KAZN: variants seen among roughly 807,000 people sequenced by gnomAD.
KAZN encodes the protein kazrin, periplakin interacting protein.
Under a neutral mutation model 87.4 loss-of-function variants are expected in KAZN, and 40 were observed. That is an observed-to-expected ratio of 0.46 (90% CI 0.36 to 0.60). The LOEUF is 0.60. Ranked by LOEUF, KAZN falls within the 20% of genes least tolerant of loss-of-function variation. KAZN has a pLI of 0.00. For missense variants in KAZN, 898 were observed against 1,073.9 expected (o/e 0.84, Z 2.29); for synonymous variants, 466 against 458.3 (o/e 1.02, Z -0.22).
intron 2 of KAZN, among the ~76,000 whole-genome samples, chr1:14,986,081 A>T (rs900715309): frequency 3.3e-5 from 5 of 151,932 alleles, no homozygotes; most frequent in Admixed American, 1.3e-4. Context: ...ATTAAAGGAC[A>T]ATCAGGAGCC....
intron 2 of KAZN, among the ~76,000 whole-genome samples, chr1:14,283,443 A>T (rs1474808706): frequency 6.6e-6 from 1 of 152,220 alleles, no homozygotes; most frequent in African/African-American, 2.4e-5. Context: ...ATCCAAACAG[A>T]CGTCTCTTAC....
chr1:14,251,702 G>A lies in KAZN; in HGVS notation c.249+71110G>A, dbSNP rs1041669561. ...GTCTCACTCTGTCACCAGGCTAAGT[G>A]CAGTGGCATGATCATGGCTCACTGC... is the stretch of plus-strand genomic sequence containing the variant. On this transcript the variant is annotated intron_variant, in intron 2 of 16. Transcript: ENST00000636203. Among the ~76,000 whole-genome samples, 6 of 136,718 alleles carry A rather than the reference G, an allele frequency of 4.4e-5. No homozygotes were observed. In the Admixed American group the frequency reaches 4.8e-4, roughly 11 times the overall value. 89.7% of individuals were successfully genotyped at this position (136,718 alleles called of 152,430 possible). A position where few individuals can be genotyped will look rare whatever the true frequency, so the allele number is the denominator to read the frequency against.
chr1:13,974,714 G>A (rs1351902733), intron 1 of KAZN, among the ~76,000 whole-genome samples: 1 of 152,164 alleles, frequency 6.6e-6, no homozygotes, highest in African/African-American at 2.4e-5. Context: ...AGGAAGCAAA[G>A]GAAGCAAGGT....
chr1:14,386,355 G>C (rs35383236), intron 2 of KAZN, among the ~76,000 whole-genome samples: 1 of 145,820 alleles, frequency 6.9e-6, no homozygotes, highest in African/African-American at 2.5e-5. Context: ...ATCCTGTCAT[G>C]ATGATGTTAG....
In KAZN at chr1:14,184,646, C is replaced by A. The variant is rs1343248093; in HGVS notation, c.249+4054C>A. Among the ~76,000 whole-genome samples, 1 of 152,136 alleles carries A rather than the reference C, an allele frequency of 6.6e-6. No individual in the cohort carries two copies. Among genetic ancestry groups the A allele is most frequent in the Non-Finnish European group, 1.5e-5 (1 of 68,022 alleles). On this transcript the variant is annotated intron_variant, in intron 2 of 16. Transcript: ENST00000636203. This position sits in a 1 kb window ranked among gnomAD's most constrained non-coding sequence, Gnocchi z 4.2. Reference sequence around the variant, plus strand: ...TAAAAGAGCTGTCTAGCAAACTCTTCTAGATGATTGTGCTTTCCAATTGGT... The same window carrying A: ...TAAAAGAGCTGTCTAGCAAACTCTTATAGATGATTGTGCTTTCCAATTGGT...
intron 1 of KAZN, among the ~76,000 whole-genome samples, chr1:14,768,884 A>T (rs981666293): frequency 1.3e-5 from 2 of 152,358 alleles, no homozygotes; most frequent in Middle Eastern, 6.8e-3. Flanking sequence ...GATTCGCGCC[A>T]TGTGAAATGT....
chr1:14,784,465 A>G (rs1645445180), intron 1 of KAZN, among the ~76,000 whole-genome samples: 2 of 152,048 alleles, frequency 1.3e-5, no homozygotes, highest in African/African-American at 4.8e-5. Context: ...GCAGCACCCA[A>G]AGTCACTCAA....
chr1:13,983,310 G>A (rs1367173595), intron 1 of KAZN, among the ~76,000 whole-genome samples: 4 of 152,232 alleles, frequency 2.6e-5, no homozygotes, highest in African/African-American at 7.2e-5. Context: ...CCTGCCCCAC[G>A]GGAAGGCAGC....
intron 13 of KAZN, among the ~76,000 whole-genome samples, chr1:15,109,808 TGTTGTATGTGTATGTATGTGTATGTG>T (rs1641435471): frequency 6.8e-6 from 1 of 146,398 alleles, no homozygotes; most frequent in African/African-American, 2.4e-5. Flanking sequence ...TGTATGTGTG[TGTTGTATGTGTATGTATGTGTATGTG>T]GTGTTTGTGT....
At chr1:14,953,812 G>A (rs1662772658) in intron 1 of KAZN, among the ~76,000 whole-genome samples, 1 of 152,164 alleles carries the variant, frequency 6.6e-6, no homozygotes, top group African/African-American at 2.4e-5. Context: ...CAGAAGTGGA[G>A]AAAGTGGAGA....
intron 2 of KAZN, among the ~76,000 whole-genome samples, chr1:14,420,796 G>C (rs763502785): frequency 1.1e-4 from 17 of 151,720 alleles, no homozygotes; most frequent in Non-Finnish European, 2.1e-4. Context: ...GGCCACTCCC[G>C]AGTGCGGGGC....
chr1:14,680,046 T>G (rs1640477333), intron 1 of KAZN, among the ~76,000 whole-genome samples: 1 of 152,152 alleles, frequency 6.6e-6, no homozygotes, highest in South Asian at 2.1e-4. Context: ...AGCCGGCAGA[T>G]GCTGGGCCCC....
intron 2 of KAZN, among the ~76,000 whole-genome samples, chr1:14,572,163 A>T (rs779595447): frequency 6.6e-6 from 1 of 152,184 alleles, no homozygotes; most frequent in Middle Eastern, 3.4e-3. Flanking sequence ...CTTTAGAATA[A>T]CTCAGTAGGT....
At chr1:15,007,601 G>A (rs1451577824) in intron 2 of KAZN, among the ~76,000 whole-genome samples, 1 of 152,198 alleles carries the variant, frequency 6.6e-6, no homozygotes, top group Admixed American at 6.5e-5. Context: ...AGGTGGGCTT[G>A]GCCAGCCGAC....
intron 1 of KAZN, among the ~76,000 whole-genome samples, chr1:13,932,323 G>C (rs1640551896): frequency 1.4e-5 from 2 of 148,010 alleles, no homozygotes; most frequent in South Asian, 2.1e-4. Context: ...TGCAGTGGCG[G>C]GATCTCGGCT....
intron 3 of KAZN, 58 bp from the exon 4 acceptor site, chr1:15,043,931 G>A (rs1176752715): frequency 1.3e-6 from 2 of 1,510,814 alleles, no homozygotes; most frequent in Non-Finnish European, 1.8e-6. Context: ...AGGCATCCCT[G>A]GGCCAGGAGG....
At chr1:14,291,334 C>A (rs753002359) in intron 2 of KAZN, among the ~76,000 whole-genome samples, 1 of 152,216 alleles carries the variant, frequency 6.6e-6, no homozygotes, top group Non-Finnish European at 1.5e-5. Context: ...CTCCCGTGGC[C>A]TCCATCCAGT....
At chr1:14,055,121 A>G (rs1399400175) in intron 1 of KAZN, among the ~76,000 whole-genome samples, 1 of 152,188 alleles carries the variant, frequency 6.6e-6, no homozygotes, top group East Asian at 1.9e-4. Flanking sequence ...TTGGTTAAGA[A>G]CCATCGGTCT....
chr1:14,526,004 A>G (rs1671842454), intron 2 of KAZN, among the ~76,000 whole-genome samples: 1 of 152,214 alleles, frequency 6.6e-6, no homozygotes, highest in Non-Finnish European at 1.5e-5. Flanking sequence ...CCTGGTACCT[A>G]GGGAATCCTC....
Sources: gnomAD v4.1 joint callset for allele counts (sites outside exome capture counted in the v4.1 genomes callset) on GRCh38, gnomAD v4.1.1 for gene constraint, Gnocchi (gnomAD v3.1) non-coding constraint, MANE v1.5 for transcripts, NCBI Gene and HGNC (gene_info 2026-07-23, HGNC 2026-07-21) for gene names.